The following LRRC49 variants were observed in gnomAD, a reference collection of about 807,000 sequenced individuals.
The protein encoded by LRRC49 is leucine rich repeat containing 49, also known as leucine-rich repeat-containing protein 49.
LRRC49 carries 50 observed loss-of-function variants against 83.3 expected under a neutral mutation model. The observed-to-expected ratio is 0.60, with a 90% CI of 0.48 to 0.76. The LOEUF is 0.76. Ranked by LOEUF, LRRC49 falls within the 30% of genes least tolerant of loss-of-function variation. The probability of loss-of-function intolerance (pLI) is 0.00; values close to 1 mark genes in which losing one functional copy is unlikely to be tolerated. For synonymous variants in LRRC49, 286 were observed against 283.3 expected, an observed-to-expected ratio of 1.01 and a Z score of -0.10; for missense variants, 704 against 809.1, an observed-to-expected ratio of 0.87 and a Z score of 1.58.
intron 1 of LRRC49, among the ~76,000 whole-genome samples, chr15:70,871,655 C>T (rs1480762262): frequency 2.0e-5 from 3 of 148,506 alleles, no homozygotes; most frequent in East Asian, 2.0e-4. Flanking sequence ...GGCTGCTGGG[C>T]GGAGGGGCTC....
intron 6 of LRRC49, among the ~76,000 whole-genome samples, chr15:70,912,867 C>T (rs1178832813): frequency 1.3e-5 from 2 of 152,042 alleles, no homozygotes; most frequent in Non-Finnish European, 2.9e-5. Context: ...TTAGTAGAGA[C>T]AGGGTTTCAC....
chr15:71,013,038 T>C, intron 14 of LRRC49, 125 bp downstream of exon 14: 1 of 620,158 alleles, frequency 1.6e-6, no homozygotes, highest in Non-Finnish European at 2.8e-6. Flanking sequence ...ACTGGCCTAT[T>C]GAAAGTGTTG....
chr15:70,982,425 G>A (rs558354272), intron 10 of LRRC49, among the ~76,000 whole-genome samples: 3 of 152,222 alleles, frequency 2.0e-5, no homozygotes, highest in South Asian at 4.1e-4. Context: ...AAGGTAAGAA[G>A]CATTTTTATT....
chr15:70,993,432 C>G (rs1393458782), intron 11 of LRRC49, among the ~76,000 whole-genome samples: 1 of 152,168 alleles, frequency 6.6e-6, no homozygotes, highest in Non-Finnish European at 1.5e-5. Context: ...GAACCCAGTA[C>G]CTCAGTTGGA....
At chr15:70,877,378 C>A (rs553377309) in intron 2 of LRRC49, among the ~76,000 whole-genome samples, 1 of 152,170 alleles carries the variant, frequency 6.6e-6, no homozygotes, top group Non-Finnish European at 1.5e-5. Context: ...CCCAAGCAAC[C>A]ACTGATGGAT....
In LRRC49 at chr15:70,872,821, G is replaced by T. The variant is rs776738444; in HGVS notation, c.-298-87G>T. The T allele has an allele frequency of 2.1e-4, 45 of 215,708 alleles. 1 individual carries two copies. The highest frequency in any genetic ancestry group is 4.1e-3 in the Middle Eastern group (2 of 490). 13.4% of individuals were successfully genotyped at this position (215,708 alleles called of 1,614,324 possible). ...GAGAGAAAGAGGACGTTTTCTCCAA[G>T]AGATTCCAAGACTTGTGAGAGAAAT... On this transcript the variant is annotated intron_variant, in intron 1 of 16. Coordinates refer to the LRRC49 transcript ENST00000544974.
At chr15:70,860,374 T>G (rs77186808) in intron 1 of LRRC49, among the ~76,000 whole-genome samples, 9,612 of 152,176 alleles carry the variant, frequency 0.063, 404 homozygotes, top group Middle Eastern at 0.14. Context: ...AAATAAAACC[T>G]CAGCTAGCCC....
chr15:70,922,508 G>C (rs1427300815), intron 7 of LRRC49, among the ~76,000 whole-genome samples: 1 of 152,078 alleles, frequency 6.6e-6, no homozygotes, highest in African/African-American at 2.4e-5. Context: ...AGAGTAGGAG[G>C]ATGGTTATCA....
chr15:70,877,346 G>A (rs1191800754), intron 2 of LRRC49, among the ~76,000 whole-genome samples: 1 of 152,186 alleles, frequency 6.6e-6, no homozygotes, highest in Non-Finnish European at 1.5e-5. Flanking sequence ...TACTTTTGCA[G>A]GGAATGTTCC....
chr15:70,903,846 G>A (rs983577027), intron 4 of LRRC49, among the ~76,000 whole-genome samples: 10 of 152,086 alleles, frequency 6.6e-5, no homozygotes, highest in Non-Finnish European at 1.0e-4. Context: ...GCATAATAGA[G>A]GCTTACTGTT....
chr15:70,911,584 C>G lies in LRRC49; in HGVS notation c.553C>G (p.Leu185Val). The G allele has an allele frequency of 1.5e-5, 23 of 1,570,926 alleles. No individual in the cohort carries two copies. Among genetic ancestry groups the G allele is most frequent in the Non-Finnish European group, 2.0e-5 (23 of 1,158,800 alleles). Residue 185 changes from leucine to valine, a missense_variant, in exon 6 of 16, where the codon CTT (leucine) becomes GTT (valine). Transcript: ENST00000260382. Reference sequence around the variant, plus strand: ...TCTAAAAAGCTTAGATGTCTTGGATCTTCATGGAAATCAGGTATTGTAAAG... The same window carrying G: ...TCTAAAAAGCTTAGATGTCTTGGATGTTCATGGAAATCAGGTATTGTAAAG... ...ENLKSLDVLD[L>V]HGNQITKIEN...
chr15:70,985,083 T>G (rs1409812728), intron 11 of LRRC49, among the ~76,000 whole-genome samples: 1 of 145,220 alleles, frequency 6.9e-6, no homozygotes, highest in African/African-American at 2.6e-5. Flanking sequence ...AGTGCCGCAA[T>G]AAACATACGT....
At chr15:70,948,566 T>C (rs2036097081) in intron 8 of LRRC49, among the ~76,000 whole-genome samples, 1 of 151,566 alleles carries the variant, frequency 6.6e-6, no homozygotes, top group African/African-American at 2.4e-5. Flanking sequence ...TTTATTTTGA[T>C]GTTCATATTT....
chr15:70,859,582 G>T, intron 1 of LRRC49: 1 of 658,000 alleles, frequency 1.5e-6, no homozygotes, highest in South Asian at 1.4e-5. Flanking sequence ...AGGAGCTGCA[G>T]ACGCTGGCTG....
chr15:70,910,991 G>A (rs2034526529), intron 5 of LRRC49, among the ~76,000 whole-genome samples: 1 of 152,220 alleles, frequency 6.6e-6, no homozygotes, highest in African/African-American at 2.4e-5. Context: ...TCATCTGGAA[G>A]CAACTTTGAA....
chr15:70,899,204 C>A, intron 3 of LRRC49, among the ~76,000 whole-genome samples: 1 of 152,130 alleles, frequency 6.6e-6, no homozygotes, highest in Non-Finnish European at 1.5e-5. Context: ...AAATTTGCCT[C>A]TTAAAAATTG....
At chr15:71,019,742 G>A (rs2038936968) in intron 14 of LRRC49, among the ~76,000 whole-genome samples, 1 of 152,162 alleles carries the variant, frequency 6.6e-6, no homozygotes, top group Non-Finnish European at 1.5e-5. Flanking sequence ...TAGATGTGCA[G>A]CCTGAATTCA....
intron 3 of LRRC49, among the ~76,000 whole-genome samples, chr15:70,896,361 C>G (rs375713764): frequency 6.6e-6 from 1 of 152,102 alleles, no homozygotes; most frequent in East Asian, 1.9e-4. Context: ...AGGCTTTAAA[C>G]TCTAGTGTCT....
chr15:70,888,236 AAC>A (rs1405736784), upstream of LRRC49, among the ~76,000 whole-genome samples: 1 of 152,164 alleles, frequency 6.6e-6, no homozygotes, highest in African/African-American at 2.4e-5. Context: ...AATATCCACA[AAC>A]ATGAACAAGG....
Sources: gnomAD v4.1 joint callset for allele counts (sites outside exome capture counted in the v4.1 genomes callset) on GRCh38, gnomAD v4.1.1 for gene constraint, MANE v1.5 for transcripts, NCBI Gene and HGNC (gene_info 2026-07-23, HGNC 2026-07-21) for gene names.